The following SLC24A3 variants were observed in gnomAD, a reference collection of about 807,000 sequenced individuals.
The protein encoded by SLC24A3 is sodium/potassium/calcium exchanger 3.
A neutral mutation model predicts 75.8 loss-of-function variants in SLC24A3; 28 were observed. The observed-to-expected ratio is 0.37, with a 90% CI of 0.27 to 0.51. The LOEUF is 0.51. Among genes scored for constraint, SLC24A3 ranks in the 20% least tolerant of loss-of-function variants. The pLI, the probability that SLC24A3 is intolerant of heterozygous loss-of-function variation, is 0.94. For missense variants in SLC24A3, 663 were observed against 847.8 expected (o/e 0.78, Z 2.71); for synonymous variants, 372 against 334.1 (o/e 1.11, Z -1.24).
At chr20:19,651,984 T>C (rs1367472113) in intron 6 of SLC24A3, among the ~76,000 whole-genome samples, 1 of 152,228 alleles carries the variant, frequency 6.6e-6, no homozygotes, top group Non-Finnish European at 1.5e-5. Context: ...GCTGGATCTC[T>C]TATTTTCTAT....
chr20:19,325,170 A>T (rs547879622), intron 2 of SLC24A3, among the ~76,000 whole-genome samples: 1 of 152,024 alleles, frequency 6.6e-6, no homozygotes, highest in Non-Finnish European at 1.5e-5. Flanking sequence ...GCTCACGCCT[A>T]TAACCCCAAT....
At chr20:19,371,978 C>T (rs1985999823) in intron 2 of SLC24A3, among the ~76,000 whole-genome samples, 1 of 152,128 alleles carries the variant, frequency 6.6e-6, no homozygotes, top group Non-Finnish European at 1.5e-5. Context: ...GATGGTAAAT[C>T]CCTATGCCAT....
intron 3 of SLC24A3, among the ~76,000 whole-genome samples, chr20:19,577,433 G>C (rs1013580048): frequency 6.6e-6 from 1 of 152,152 alleles, no homozygotes; most frequent in Admixed American, 6.5e-5. Context: ...AGTTATTTTT[G>C]AGATTTTTTT....
chr20:19,324,921 C>T (rs1174324583), intron 2 of SLC24A3, among the ~76,000 whole-genome samples: 1 of 151,850 alleles, frequency 6.6e-6, no homozygotes, highest in East Asian at 1.9e-4. Flanking sequence ...AATCCAATGT[C>T]TTCACTTTTC....
At chr20:19,423,108 C>G (rs1338666455) in intron 2 of SLC24A3, among the ~76,000 whole-genome samples, 5 of 152,248 alleles carry the variant, frequency 3.3e-5, no homozygotes, top group African/African-American at 1.2e-4. Context: ...GGCAGACACA[C>G]TGGCAGCTCT....
intron 6 of SLC24A3, among the ~76,000 whole-genome samples, chr20:19,585,931 C>A (rs2031288709): frequency 6.6e-6 from 1 of 152,204 alleles, no homozygotes; most frequent in Non-Finnish European, 1.5e-5. Flanking sequence ...ATCTGCTAAA[C>A]ACAATGAGAA....
At chr20:19,623,875 C>A (rs973405971) in intron 6 of SLC24A3, among the ~76,000 whole-genome samples, 12 of 152,200 alleles carry the variant, frequency 7.9e-5, no homozygotes, top group Non-Finnish European at 1.2e-4. Context: ...GTGGACTAAG[C>A]TACATACCAA....
chr20:19,463,287 A>G (rs1438081932), intron 2 of SLC24A3, among the ~76,000 whole-genome samples: 1 of 152,112 alleles, frequency 6.6e-6, no homozygotes, highest in Non-Finnish European at 1.5e-5. Flanking sequence ...AATTCCTGGG[A>G]GCGTATTCAC....
At chr20:19,586,047 T>C (rs1214470046) in intron 6 of SLC24A3, among the ~76,000 whole-genome samples, 1 of 152,174 alleles carries the variant, frequency 6.6e-6, no homozygotes, top group Non-Finnish European at 1.5e-5. Context: ...ATAACGTGCC[T>C]TTGGGGTTAT....
chr20:19,483,644 G>A (rs1047505345), intron 2 of SLC24A3, among the ~76,000 whole-genome samples: 3 of 152,142 alleles, frequency 2.0e-5, no homozygotes, highest in African/African-American at 7.2e-5. Context: ...CTGTGAACAG[G>A]AAAAAAGCTA....
chr20:19,435,660 C>A (rs1230097706), intron 2 of SLC24A3, among the ~76,000 whole-genome samples: 2 of 152,186 alleles, frequency 1.3e-5, no homozygotes, highest in Admixed American at 6.5e-5. Flanking sequence ...GTGCCCACCC[C>A]TGACAAGCAC....
intron 2 of SLC24A3, among the ~76,000 whole-genome samples, chr20:19,377,973 G>A (rs931549700): frequency 6.6e-6 from 1 of 152,234 alleles, no homozygotes; most frequent in Non-Finnish European, 1.5e-5. Context: ...TCATGCCACA[G>A]TGACAGCCGA....
At chr20:19,258,578 CA>C (rs2122190719) in intron 1 of SLC24A3, among the ~76,000 whole-genome samples, 1 of 152,208 alleles carries the variant, frequency 6.6e-6, no homozygotes, top group African/African-American at 2.4e-5. Context: ...TGCACGTGCC[CA>C]TAATCCCGGC....
At chr20:19,344,004 A>T (rs537792615) in intron 2 of SLC24A3, among the ~76,000 whole-genome samples, 1 of 152,164 alleles carries the variant, frequency 6.6e-6, no homozygotes, top group Non-Finnish European at 1.5e-5. Context: ...TTCAGACCTT[A>T]GTAATAGACC....
At chr20:19,267,772 C>T (rs1260134788) in intron 1 of SLC24A3, among the ~76,000 whole-genome samples, 1 of 152,106 alleles carries the variant, frequency 6.6e-6, no homozygotes, top group Admixed American at 6.5e-5. Context: ...CTTACTCTTT[C>T]ACTGGTTGTT....
chr20:19,248,139 A>G (rs1437148182), intron 1 of SLC24A3, among the ~76,000 whole-genome samples: 1 of 152,238 alleles, frequency 6.6e-6, no homozygotes, highest in Non-Finnish European at 1.5e-5. Flanking sequence ...ACAAAACAAA[A>G]CAAAACAAGG....
intron 8 of SLC24A3, among the ~76,000 whole-genome samples, chr20:19,673,187 CTA>C (rs1264833223): frequency 6.6e-6 from 1 of 152,166 alleles, no homozygotes; most frequent in African/African-American, 2.4e-5. Flanking sequence ...TGCCTGGCTC[CTA>C]TATATACAGC....
chr20:19,392,711 T>C (rs1411890059), intron 2 of SLC24A3, among the ~76,000 whole-genome samples: 1 of 152,204 alleles, frequency 6.6e-6, no homozygotes, highest in African/African-American at 2.4e-5. Flanking sequence ...ATGACAGCAT[T>C]AAGCCAGAGT....
chr20:19,644,257 TCTCA>T (rs1314012859), intron 6 of SLC24A3, among the ~76,000 whole-genome samples: 1 of 152,126 alleles, frequency 6.6e-6, no homozygotes, highest in African/African-American at 2.4e-5. Flanking sequence ...CTCCCCAGCC[TCTCA>T]CTCTTTGCAT....
Sources: allele counts gnomAD v4.1 joint callset (sites outside exome capture counted in the v4.1 genomes callset), GRCh38; gene constraint gnomAD v4.1.1; transcripts MANE v1.5; gene names NCBI Gene and HGNC (gene_info 2026-07-23, HGNC 2026-07-21).